SRGAP3: variants seen among roughly 807,000 people sequenced by gnomAD.
SRGAP3 encodes SLIT-ROBO Rho GTPase activating protein 3.
A neutral mutation model predicts 121.1 loss-of-function variants in SRGAP3; 39 were observed. The ratio of observed to expected loss-of-function variants is 0.32; its 90% CI spans 0.25 to 0.42. The LOEUF (loss-of-function observed/expected upper bound fraction) is 0.42. Among genes scored for constraint, SRGAP3 ranks in the 10% least tolerant of loss-of-function variants. The pLI is 1.00. For synonymous variants in SRGAP3, 601 were observed against 570.0 expected, an observed-to-expected ratio of 1.05 and a Z score of -0.77; for missense variants, 1,213 against 1,470.6, an observed-to-expected ratio of 0.82 and a Z score of 2.86.
chr3:9,283,577 G>A (rs375326254), intron 3 of SRGAP3, among the ~76,000 whole-genome samples: 14 of 152,118 alleles, frequency 9.2e-5, no homozygotes, highest in African/African-American at 3.4e-4. Context: ...TGGGATCTTT[G>A]GTAACAAATA....
chr3:9,181,005 G>A (rs183626864), intron 1 of SRGAP3, among the ~76,000 whole-genome samples: 1 of 152,350 alleles, frequency 6.6e-6, no homozygotes, highest in Non-Finnish European at 1.5e-5. Flanking sequence ...GCCGGGGGCA[G>A]TGGCAAAAAA....
chr3:9,155,449 T>C (rs1560288213), intron 1 of SRGAP3, among the ~76,000 whole-genome samples: 1 of 152,190 alleles, frequency 6.6e-6, no homozygotes, highest in African/African-American at 2.4e-5. Flanking sequence ...TATGGGAAAA[T>C]CTGCATTCAA....
At chr3:9,333,266 G>A (rs1449422932) in intron 1 of SRGAP3, among the ~76,000 whole-genome samples, 5 of 152,186 alleles carry the variant, frequency 3.3e-5, no homozygotes, top group Admixed American at 3.3e-4. Flanking sequence ...GGTGTTTAGG[G>A]TTGGATGACA....
At chr3:9,129,362 T>G (rs1435938501) in intron 1 of SRGAP3, among the ~76,000 whole-genome samples, 1 of 152,096 alleles carries the variant, frequency 6.6e-6, no homozygotes, top group African/African-American at 2.4e-5. Flanking sequence ...AATATTTTAT[T>G]TTATTTAGTG....
At chr3:9,091,393 C>G (rs1424529831) in intron 3 of SRGAP3, among the ~76,000 whole-genome samples, 1 of 152,104 alleles carries the variant, frequency 6.6e-6, no homozygotes, top group African/African-American at 2.4e-5. Flanking sequence ...ACAACAACAA[C>G]AACAACAAAA....
At chr3:9,047,553 G>C in intron 9 of SRGAP3, 78 bp from the exon 10 acceptor site, 2 of 1,441,418 alleles carry the variant, frequency 1.4e-6, no homozygotes, top group Non-Finnish European at 1.9e-6. Context: ...ACTGACCTCT[G>C]GGACACGGAA....
intron 2 of SRGAP3, among the ~76,000 whole-genome samples, chr3:9,105,396 G>T (rs879911623): frequency 6.6e-6 from 1 of 152,178 alleles, no homozygotes; most frequent in Non-Finnish European, 1.5e-5. Flanking sequence ...CAGATTCTGT[G>T]TTCAGGAGGA....
intron 5 of SRGAP3, among the ~76,000 whole-genome samples, chr3:9,064,104 G>A (rs1299387838): frequency 1.3e-5 from 2 of 152,322 alleles, no homozygotes; most frequent in African/African-American, 4.8e-5. Context: ...TGCTGGGTGT[G>A]AATCTCGTCA....
intron 3 of SRGAP3, among the ~76,000 whole-genome samples, chr3:9,293,871 C>A (rs1009547386): frequency 3.3e-5 from 5 of 151,862 alleles, no homozygotes; most frequent in Non-Finnish European, 7.4e-5. Context: ...AAAAGAAACA[C>A]ACACTGTTGG....
At chr3:9,304,102 C>T (rs1168736765) in intron 3 of SRGAP3, among the ~76,000 whole-genome samples, 1 of 152,176 alleles carries the variant, frequency 6.6e-6, no homozygotes, top group African/African-American at 2.4e-5. Context: ...GCCTGTGGTA[C>T]GGGACCCCAT....
At chr3:9,075,974 A>ACT (rs907175533) in intron 4 of SRGAP3, among the ~76,000 whole-genome samples, 1 of 151,890 alleles carries the variant, frequency 6.6e-6, no homozygotes, top group African/African-American at 2.4e-5. Context: ...TTGCATTGTG[A>ACT]CTCTGTAAGG....
chr3:9,169,384 C>T (rs956285952), intron 1 of SRGAP3, among the ~76,000 whole-genome samples: 2 of 152,086 alleles, frequency 1.3e-5, no homozygotes, highest in African/African-American at 4.8e-5. Flanking sequence ...GGTAGCAGGA[C>T]ATGAGTGAGA....
At chr3:9,355,744 T>G (rs751410720) in intron 1 of SRGAP3, 1 of 152,244 alleles carries the variant, frequency 6.6e-6, no homozygotes, top group Non-Finnish European at 1.5e-5. Flanking sequence ...TTCTGTATTA[T>G]CTGTTTCTTC....
chr3:9,227,330 T>A (rs1381273648), intron 1 of SRGAP3, among the ~76,000 whole-genome samples: 4 of 152,208 alleles, frequency 2.6e-5, no homozygotes, highest in Non-Finnish European at 5.9e-5. Context: ...TGTTGTAAAT[T>A]TCACTCTTGG....
intron 1 of SRGAP3, among the ~76,000 whole-genome samples, chr3:9,134,232 C>A (rs1353740370): frequency 6.6e-6 from 1 of 152,126 alleles, no homozygotes; most frequent in Non-Finnish European, 1.5e-5. Context: ...CCAGACCCCA[C>A]CCAATTCCAA....
chr3:9,245,491 G>A (rs1306697795), intron 1 of SRGAP3, among the ~76,000 whole-genome samples: 1 of 152,164 alleles, frequency 6.6e-6, no homozygotes, highest in African/African-American at 2.4e-5. Flanking sequence ...TCATTGTCAG[G>A]GGTTATATTC....
At chr3:9,032,326 G>A (rs1464895710) in intron 12 of SRGAP3, among the ~76,000 whole-genome samples, 1 of 152,198 alleles carries the variant, frequency 6.6e-6, no homozygotes, top group Non-Finnish European at 1.5e-5. Flanking sequence ...CTGTCCCTCA[G>A]GTGTTAGGAC....
At chr3:9,268,003 C>A (rs1320249526) in intron 3 of SRGAP3, among the ~76,000 whole-genome samples, 1 of 152,038 alleles carries the variant, frequency 6.6e-6, no homozygotes, top group Non-Finnish European at 1.5e-5. Flanking sequence ...GGGGAGACCC[C>A]TGTGGAAGGA....
intron 2 of SRGAP3, among the ~76,000 whole-genome samples, chr3:9,123,804 A>G (rs1489797287): frequency 6.6e-6 from 1 of 151,150 alleles, no homozygotes. Flanking sequence ...AGAGAGAGAG[A>G]GAGAGAAACA....
Sources: allele counts gnomAD v4.1 joint callset (sites outside exome capture counted in the v4.1 genomes callset), GRCh38; gene constraint gnomAD v4.1.1; transcripts MANE v1.5; gene names NCBI Gene and HGNC (gene_info 2026-07-23, HGNC 2026-07-21).